The following NUP214 variants were observed in gnomAD, a reference collection of about 807,000 sequenced individuals.
The protein encoded by NUP214 is nucleoporin 214, also known as nuclear pore complex protein Nup214.
NUP214 carries 79 observed loss-of-function variants against 196.2 expected under a neutral mutation model. The ratio of observed to expected loss-of-function variants is 0.40; its 90% CI spans 0.34 to 0.49. The LOEUF is 0.49. Ranked by LOEUF, NUP214 falls within the 20% of genes least tolerant of loss-of-function variation. The pLI, the probability that NUP214 is intolerant of heterozygous loss-of-function variation, is 0.58. For missense variants in NUP214, 2,468 were observed against 2,539.0 expected (o/e 0.97, Z 0.60); for synonymous variants, 1,020 against 990.5 (o/e 1.03, Z -0.56).
chr9:131,139,195 TAGG>T (rs1831830795), intron 9 of NUP214, 83 bp from the exon 10 acceptor site: 6 of 1,346,170 alleles, frequency 4.5e-6, no homozygotes, highest in South Asian at 1.8e-5. Context: ...TGAACAATGT[TAGG>T]AGGAACCAAT....
rs1222394546 is a variant in NUP214, at chr9:131,140,641, G to T, written c.1225G>T (p.Gly409Trp). The T allele has an allele frequency of 1.2e-6, 2 of 1,613,990 alleles. No homozygotes were observed. ...CPFYMINQNPGVKSLIKTPER... is the reference protein window; with the variant it reads ...CPFYMINQNPWVKSLIKTPER... ...ATTTTATATGATTAATCAAAATCCTGGGGTTAAGTCTCTCATCAAAACACC... is the reference window on the plus strand; with the variant it reads ...ATTTTATATGATTAATCAAAATCCTTGGGTTAAGTCTCTCATCAAAACACC... The change falls in exon 11 of 36, where the codon GGG (glycine) becomes TGG (tryptophan). Residue 409 changes from glycine (G) to tryptophan (W), a missense_variant. Gly to Trp is a radical substitution (Grantham distance 184, BLOSUM62 -2). Transcript: ENST00000359428.
chr9:131,127,787 C>A, intron 2 of NUP214, 68 bp downstream of exon 2: 2 of 1,185,848 alleles, frequency 1.7e-6, no homozygotes, highest in Non-Finnish European at 2.4e-6. Context: ...TGTTTCCTTC[C>A]CAAGAAGTCA....
At chr9:131,131,397 C>T (rs1486477268) in intron 5 of NUP214, among the ~76,000 whole-genome samples, 2 of 152,188 alleles carry the variant, frequency 1.3e-5, no homozygotes, top group African/African-American at 4.8e-5. Flanking sequence ...AATTGAGTTG[C>T]AAGGAACCCC....
At position 131,163,906 on chromosome 9, in the gene NUP214, G is replaced by A. The variant is rs770376145; in HGVS notation, c.2760G>A (p.Leu920=). 2 of 1,614,036 alleles carry A rather than the reference G, an allele frequency of 1.2e-6. No individual in the cohort carries two copies. Among genetic ancestry groups the A allele is most frequent in the Admixed American group, 3.3e-5 (2 of 60,000 alleles). The change falls in exon 20 of 36, where the codon TTG becomes TTA. Residue 920 remains leucine, a synonymous_variant. Transcript: ENST00000359428. ...DSDLESLCNA[L]LKTTIESHTK... The stretch of plus-strand genomic sequence containing the variant: ...ACCTGGAAAGCCTGTGCAATGCTTT[G>A]TTGAAAACCACCATAGAATCTCACA...
In NUP214 at chr9:131,134,912, G is replaced by T; in HGVS notation, c.846G>T (p.Lys282Asn). ...VMALLPKKEE[K>N]HPEIFVNFME... The stretch of plus-strand genomic sequence containing the variant: ...GTTCATTGTAGAAAAAAGAAGAAAA[G>T]CACCCAGAGATATTTGTGAACTTTA... Residue 282 changes from lysine to asparagine, a missense_variant, in exon 8 of 36, where the codon AAG becomes AAT. This residue lies in a region of NUP214 where 392 missense variants were observed against 417.9 expected (regional missense o/e 0.94). Coordinates refer to ENST00000359428, the MANE Select transcript of NUP214 (RefSeq NM_005085.4). 6.2e-7 allele frequency: 1 copy of T among 1,613,194 alleles called. No homozygotes were observed. Among genetic ancestry groups the T allele is most frequent in the Non-Finnish European group, 8.5e-7 (1 of 1,179,430 alleles).
At chr9:131,143,566 AT>A (rs1831991724) in intron 11 of NUP214, among the ~76,000 whole-genome samples, 1 of 152,180 alleles carries the variant, frequency 6.6e-6, no homozygotes, top group Admixed American at 6.5e-5. Context: ...TAGAGGACAA[AT>A]TAAAAATGTA....
chr9:131,132,962 G>A, intron 6 of NUP214, 144 bp from the exon 7 acceptor site: 1 of 694,272 alleles, frequency 1.4e-6, no homozygotes, highest in Non-Finnish European at 2.5e-6. Context: ...TTGGGTCATT[G>A]TACCTGTGCA....
At chr9:131,219,318 C>A (rs1021376129) in intron 31 of NUP214, among the ~76,000 whole-genome samples, 1 of 152,212 alleles carries the variant, frequency 6.6e-6, no homozygotes, top group South Asian at 2.1e-4. Context: ...GTTTACAGAA[C>A]GTCTCCCAGG....
intron 30 of NUP214, among the ~76,000 whole-genome samples, chr9:131,203,943 C>T (rs1834007764): frequency 6.6e-6 from 1 of 152,152 alleles, no homozygotes; most frequent in South Asian, 2.1e-4. Context: ...CTAAAAGAGA[C>T]CCTTCAGCTG....
intron 27 of NUP214, 200 bp downstream of exon 27, chr9:131,192,492 T>C (rs548345081): frequency 5.5e-5 from 23 of 416,258 alleles, no homozygotes; most frequent in African/African-American, 4.8e-4. Context: ...AAGTTAATAC[T>C]TGTTTGTTAC....
intron 14 of NUP214, 110 bp from the exon 15 acceptor site, chr9:131,150,214 G>C (rs1479781092): frequency 1.2e-6 from 1 of 857,152 alleles, no homozygotes; most frequent in African/African-American, 1.7e-5. Context: ...TACAATGAGT[G>C]AAGAAATAAT....
intron 28 of NUP214, chr9:131,195,548 G>A (rs1055935694): frequency 1.0e-5 from 4 of 382,036 alleles, no homozygotes; most frequent in African/African-American, 8.4e-5. Context: ...ACATTTAAAT[G>A]TTAACATGTG....
intron 5 of NUP214, among the ~76,000 whole-genome samples, chr9:131,131,991 A>T (rs1339340805): frequency 6.6e-6 from 1 of 151,994 alleles, no homozygotes; most frequent in Non-Finnish European, 1.5e-5. Context: ...GCCCAGCCTT[A>T]TTCCACTATT....
chr9:131,179,620 T>C (rs892420490), intron 24 of NUP214, among the ~76,000 whole-genome samples: 5 of 152,184 alleles, frequency 3.3e-5, no homozygotes, highest in African/African-American at 1.2e-4. Context: ...CCCTCTGCCA[T>C]TGCACAGAGC....
At chr9:131,145,171 G>C (rs1006550761) in intron 12 of NUP214, among the ~76,000 whole-genome samples, 10 of 152,022 alleles carry the variant, frequency 6.6e-5, no homozygotes, top group Non-Finnish European at 1.5e-4. Context: ...GTCATCTTGT[G>C]ACACTGTAAA....
intron 9 of NUP214, 65 bp downstream of exon 9, chr9:131,136,071 C>T (rs1564179186): frequency 6.0e-6 from 8 of 1,331,718 alleles, no homozygotes; most frequent in Admixed American, 1.8e-5. Flanking sequence ...GAGACAGTCT[C>T]GCTCTGTTGT....
At chr9:131,154,731 C>T (rs548447777) in intron 17 of NUP214, among the ~76,000 whole-genome samples, 2 of 152,368 alleles carry the variant, frequency 1.3e-5, no homozygotes, top group East Asian at 3.9e-4. Context: ...TTTTCAATTC[C>T]TGAGTTACTT....
rs757625698 is a variant in NUP214 at position 131,198,387 on chromosome 9, G to A, written c.4893G>A (p.Glu1631=). 1 of 1,614,246 alleles carries A rather than the reference G, an allele frequency of 6.2e-7. No homozygotes were observed. The highest frequency in any genetic ancestry group is 1.1e-5 in the South Asian group (1 of 91,088). The change falls in exon 29 of 36, where the codon GAG becomes GAA. Residue 1631 remains glutamate (E), a synonymous_variant. Transcript: ENST00000359428. ...TSIVAPGPSA[E]AAAFGTVTSG... is the part of the protein sequence containing the mutation. ...TTGTTGCTCCCGGCCCATCTGCAGA[G>A]GCAGCAGCATTTGGTACCGTCACTT...
chr9:131,173,992 A>G, intron 21 of NUP214, 63 bp from the exon 22 acceptor site: 1 of 1,559,004 alleles, frequency 6.4e-7, no homozygotes, highest in Non-Finnish European at 8.6e-7. Flanking sequence ...AACAGTGAAA[A>G]TTACTTAGCT....
Sources: allele counts gnomAD v4.1 joint callset (sites outside exome capture counted in the v4.1 genomes callset), GRCh38; gene constraint gnomAD v4.1.1; regional missense constraint gnomAD v4.1.1; transcripts MANE v1.5; gene names NCBI Gene and HGNC (gene_info 2026-07-23, HGNC 2026-07-21).